The following KCNQ1 variants were observed in gnomAD, a reference collection of about 807,000 sequenced individuals.
KCNQ1 encodes potassium voltage-gated channel subfamily Q member 1.
Under a neutral mutation model 72.4 loss-of-function variants are expected in KCNQ1, and 49 were observed. The observed-to-expected ratio is 0.68, with a 90% CI of 0.54 to 0.86. KCNQ1 has a LOEUF of 0.86. KCNQ1 is among the 40% of genes least tolerant of loss of function. The probability of loss-of-function intolerance (pLI) is 0.00; values close to 1 mark genes in which losing one functional copy is unlikely to be tolerated. For missense variants in KCNQ1, 790 were observed against 945.1 expected (o/e 0.84, Z 2.15); for synonymous variants, 450 against 412.6 (o/e 1.09, Z -1.10).
At chr11:2,788,996 C>G (rs969032789) in intron 15 of KCNQ1, among the ~76,000 whole-genome samples, 1 of 152,130 alleles carries the variant, frequency 6.6e-6, no homozygotes, top group Non-Finnish European at 1.5e-5. Flanking sequence ...GGTCTTCAGA[C>G]CTGGCATTCT....
intron 11 of KCNQ1, chr11:2,667,661 G>A (rs1331227838): frequency 1.5e-5 from 6 of 398,546 alleles, no homozygotes; most frequent in Admixed American, 8.8e-5. Flanking sequence ...AGATTGAACT[G>A]CAGAGCCTCT....
In KCNQ1 at chr11:2,671,877, G is replaced by C. The variant is rs1850189191; in HGVS notation, c.1514+9796G>C. The stretch of plus-strand genomic sequence containing the variant: ...CCAGGGAGCCAAGCCCTGGAGAGGA[G>C]GTGGGCAGCACCAGGCAGCCAGCCT... On this transcript the variant is annotated intron_variant, in intron 11 of 15. Coordinates refer to ENST00000155840, the MANE Select transcript of KCNQ1 (RefSeq NM_000218.3). The surrounding 1 kb of genome is among the most constrained non-coding windows in gnomAD (Gnocchi z 4.7). The C allele has an allele frequency of 5.0e-6, 2 of 398,698 alleles. No homozygotes were observed. The allele number at this position is 398,698 out of a possible 1,614,324, so 24.7% of individuals were successfully genotyped here.
At chr11:2,811,711 G>A (rs972775565) in intron 15 of KCNQ1, among the ~76,000 whole-genome samples, 1 of 152,240 alleles carries the variant, frequency 6.6e-6, no homozygotes, top group Non-Finnish European at 1.5e-5. Context: ...GGCTGGAGGA[G>A]GTCAGTGTGG....
At chr11:2,733,814 A>ACACACACACACACACACTCTCTCT in intron 11 of KCNQ1, among the ~76,000 whole-genome samples, 15 of 86,618 alleles carry the variant, frequency 1.7e-4, no homozygotes, top group Admixed American at 2.5e-4. Flanking sequence ...ACACACACAC[A>ACACACACACACACACACTCTCTCT]CTCTCTCACT....
At chr11:2,820,382 T>C (rs1042990640) in intron 15 of KCNQ1, among the ~76,000 whole-genome samples, 1 of 152,228 alleles carries the variant, frequency 6.6e-6, no homozygotes, top group Non-Finnish European at 1.5e-5. Flanking sequence ...TTTTTATTAA[T>C]AATTTTCTAT....
rs1030189756 is a variant in KCNQ1 at position 2,447,075 on chromosome 11, G to A, written c.386+1591G>A. Among the ~76,000 whole-genome samples the A allele has an allele frequency of 1.3e-5, 2 of 152,216 alleles. No homozygotes were observed. The highest frequency in any genetic ancestry group is 1.3e-4 in the Admixed American group (2 of 15,292). ...CCGCAGACCCCCTCAATTCTCACTT[G>A]TATTCAGGTTTGTGGACACATGCCT... On this transcript the variant is annotated intron_variant, in intron 1 of 15. Coordinates refer to ENST00000155840, the MANE Select transcript of KCNQ1 (RefSeq NM_000218.3). The surrounding 1 kb of genome is among the most constrained non-coding windows in gnomAD (Gnocchi z 7.6).
chr11:2,732,242 A>T (rs901877324), intron 11 of KCNQ1, among the ~76,000 whole-genome samples: 1 of 152,130 alleles, frequency 6.6e-6, no homozygotes, highest in Admixed American at 6.5e-5. Flanking sequence ...GGCACCTCTC[A>T]TGTGCTCCTG....
chr11:2,761,127 C>T (rs989382370), intron 11 of KCNQ1, among the ~76,000 whole-genome samples: 1 of 152,202 alleles, frequency 6.6e-6, no homozygotes, highest in Non-Finnish European at 1.5e-5. Context: ...AGGTAGCTCT[C>T]AGCAGATGGG....
intron 11 of KCNQ1, chr11:2,666,934 C>G (rs1850082247): frequency 2.5e-6 from 1 of 398,604 alleles, no homozygotes; most frequent in South Asian, 1.3e-4. Flanking sequence ...TCCAGACCAC[C>G]TCTGTCTGCA....
rs1847883123 is a variant in KCNQ1 at position 2,544,872 on chromosome 11, TC to T, written c.477+16858del. On this transcript the variant is annotated intron_variant, in intron 2 of 15. Coordinates refer to ENST00000155840, the MANE Select transcript of KCNQ1 (RefSeq NM_000218.3). This position sits in a 1 kb window ranked among gnomAD's most constrained non-coding sequence, Gnocchi z 4.4. ...TCCAATACAAGTGAACACTGCTGTG[TC>T]CCCAGCCTTAGAAGACACACATCAT... is the stretch of plus-strand genomic sequence containing the variant. Among the ~76,000 whole-genome samples, 1 of 152,198 alleles carries T rather than the reference TC, an allele frequency of 6.6e-6. No individual in the cohort carries two copies. The highest frequency in any genetic ancestry group is 6.5e-5 in the Admixed American group (1 of 15,278).
rs1165177638 is a variant in KCNQ1, at chr11:2,549,467, A to G, written c.478-21161A>G. 6.6e-6 allele frequency among the ~76,000 whole-genome samples: 1 copy of G among 152,158 alleles called. No individual in the cohort carries two copies. The highest frequency in any genetic ancestry group is 1.9e-4 in the East Asian group (1 of 5,180). On this transcript the variant is annotated intron_variant, in intron 2 of 15. Transcript: ENST00000155840. This position sits in a 1 kb window ranked among gnomAD's most constrained non-coding sequence, Gnocchi z 6.2. ...TCTACCTCAAAGCGATGGAACCCAG[A>G]AGACATGGGGCCCTCGAGGAGGGTC...
chr11:2,552,828 C>T (rs1476856403), intron 2 of KCNQ1, among the ~76,000 whole-genome samples: 4 of 152,048 alleles, frequency 2.6e-5, no homozygotes, highest in African/African-American at 9.7e-5. Context: ...CTGTCTCGCT[C>T]CCCAGTGCCT....
rs2237879 is a variant in KCNQ1 at position 2,752,714 on chromosome 11, G to T, written c.1515-16130G>T. On this transcript the variant is annotated intron_variant, in intron 11 of 15. Coordinates refer to ENST00000155840, the MANE Select transcript of KCNQ1 (RefSeq NM_000218.3). This position sits in a 1 kb window ranked among gnomAD's most constrained non-coding sequence, Gnocchi z 5.2. ...CACGGCCGAATCACCTCTCAAATGC[G>T]CCATCTCCTAACACCATCAGGGCTG... Among the ~76,000 whole-genome samples, 8,686 of 152,070 alleles carry T rather than the reference G, an allele frequency of 0.057. 422 individuals are homozygous for T. The highest frequency in any genetic ancestry group is 0.22 in the East Asian group (1,119 of 5,150).
At position 2,527,778 on chromosome 11, in the gene KCNQ1, T is replaced by C. The variant is rs536379887; in HGVS notation, c.387-150T>C. ...CTCGTGCGGACCTACCTCTAGTGTG[T>C]GCTTACCAGCTAATGGATGACTGGG... On this transcript the variant is annotated intron_variant, in intron 1 of 15. Transcript: ENST00000155840. 3.5e-5 allele frequency: 25 copies of C among 716,888 alleles called. No individual in the cohort carries two copies. The East Asian group carries it at 6.6e-4, about 19-fold the overall frequency. The allele number at this position is 716,888 out of a possible 1,614,324, so 44.4% of individuals were successfully genotyped here.
At chr11:2,649,316 G>A in intron 10 of KCNQ1, 1 of 397,846 alleles carries the variant, frequency 2.5e-6, no homozygotes, top group Non-Finnish European at 4.4e-6. Flanking sequence ...CAATTTTTTG[G>A]TTTTCTGTAG....
chr11:2,719,574 A>G (rs1417234106), intron 11 of KCNQ1, among the ~76,000 whole-genome samples: 1 of 152,174 alleles, frequency 6.6e-6, no homozygotes, highest in African/African-American at 2.4e-5. Context: ...ATAAGAAGTC[A>G]GAGAATCCTC....
Position 2,508,965 on chromosome 11 carries a change from G to A in KCNQ1, c.387-18963G>A, listed in dbSNP as rs574795913. The stretch of plus-strand genomic sequence containing the variant: ...GTAGAGCTCCAGCTGGATGAGGGCC[G>A]TGGGGAAGGGGCACAGCCCTGGGCA... On this transcript the variant is annotated intron_variant, in intron 1 of 15. Coordinates refer to ENST00000155840, the MANE Select transcript of KCNQ1 (RefSeq NM_000218.3). The surrounding 1 kb of genome is among the most constrained non-coding windows in gnomAD (Gnocchi z 6.2). Among the ~76,000 whole-genome samples the A allele has an allele frequency of 8.5e-5, 13 of 152,334 alleles. No homozygotes were observed. The highest frequency in any genetic ancestry group is 2.1e-4 in the South Asian group (1 of 4,828).
Position 2,678,154 on chromosome 11 carries a change from GC to G in KCNQ1, c.1514+16074del. The G allele has an allele frequency of 5.0e-6, 2 of 398,030 alleles. No individual in the cohort carries two copies. 24.7% of individuals were successfully genotyped at this position (398,030 alleles called of 1,614,324 possible). The stretch of plus-strand genomic sequence containing the variant: ...ATCCTCATTTTCCTTAGGTGTTTTG[GC>G]TTTTTCTATAATATTTTTCTGGTGG... On this transcript the variant is annotated intron_variant, in intron 11 of 15. Coordinates refer to ENST00000155840, the MANE Select transcript of KCNQ1 (RefSeq NM_000218.3). The surrounding 1 kb of genome is among the most constrained non-coding windows in gnomAD (Gnocchi z 4.9).
rs1278578253 is a variant in KCNQ1, at chr11:2,664,165, G to C, written c.1514+2084G>C. ...TCTCTCAGAGCAGGCTGTTCCAAAA[G>C]TGGCTGCTAGATATGAGCCAGCCTG... is the stretch of plus-strand genomic sequence containing the variant. On this transcript the variant is annotated intron_variant, in intron 11 of 15. Coordinates refer to ENST00000155840, the MANE Select transcript of KCNQ1 (RefSeq NM_000218.3). This position sits in a 1 kb window ranked among gnomAD's most constrained non-coding sequence, Gnocchi z 5.1. The C allele has an allele frequency of 2.5e-6, 1 of 398,594 alleles. No homozygotes were observed. The highest frequency in any genetic ancestry group is 4.4e-5 in the Admixed American group (1 of 22,702). 24.7% of individuals were successfully genotyped at this position (398,594 alleles called of 1,614,324 possible).
Sources: allele counts gnomAD v4.1 joint callset (sites outside exome capture counted in the v4.1 genomes callset), GRCh38; gene constraint gnomAD v4.1.1; non-coding constraint Gnocchi (gnomAD v3.1); transcripts MANE v1.5; gene names NCBI Gene and HGNC (gene_info 2026-07-23, HGNC 2026-07-21).